GABRB2: variants seen among roughly 807,000 people sequenced by gnomAD.
The protein encoded by GABRB2 is gamma-aminobutyric acid receptor subunit beta-2.
Under a neutral mutation model 54.7 loss-of-function variants are expected in GABRB2, and 16 were observed. The observed-to-expected ratio is 0.29, with a 90% CI of 0.20 to 0.44. GABRB2 has a LOEUF of 0.44. Ranked by LOEUF, GABRB2 falls within the 20% of genes least tolerant of loss-of-function variation. The pLI is 1.00. For missense variants in GABRB2, 355 were observed against 644.0 expected, an observed-to-expected ratio of 0.55 and a Z score of 4.86; for synonymous variants, 244 against 233.8, an observed-to-expected ratio of 1.04 and a Z score of -0.40.
chr5:161,352,325 A>T (rs1329606305), intron 5 of GABRB2, among the ~76,000 whole-genome samples: 1 of 152,030 alleles, frequency 6.6e-6, no homozygotes, highest in African/African-American at 2.4e-5. Flanking sequence ...GGATAAGTGG[A>T]TAAAGAAAAT....
intron 4 of GABRB2, among the ~76,000 whole-genome samples, chr5:161,418,516 A>G (rs976030296): frequency 6.6e-6 from 1 of 152,232 alleles, no homozygotes; most frequent in Non-Finnish European, 1.5e-5. Context: ...GTAGTTAAAT[A>G]TAAGACCCAA....
At chr5:161,503,340 A>G (rs984471903) in intron 3 of GABRB2, among the ~76,000 whole-genome samples, 1 of 152,154 alleles carries the variant, frequency 6.6e-6, no homozygotes, top group Non-Finnish European at 1.5e-5. Context: ...AAGATCTTCA[A>G]TAAGCATGGC....
chr5:161,336,527 G>A lies in GABRB2; in HGVS notation c.679+105C>T. The stretch of plus-strand genomic sequence containing the variant: ...TGAGGGTTTTCAGTGGATTTGTCTT[G>A]TAAAGTCATGGTGCTTCCCTGGGAC... On this transcript the variant is annotated intron_variant, in intron 6 of 9. Transcript: ENST00000393959. The A allele has an allele frequency of 7.7e-6, 10 of 1,305,820 alleles. No individual in the cohort carries two copies. In the South Asian group the frequency reaches 1.4e-4, roughly 19 times the overall value. The allele number at this position is 1,305,820 out of a possible 1,614,324, so 80.9% of individuals were successfully genotyped here. A position where few individuals can be genotyped will look rare whatever the true frequency, so the allele number is the denominator to read the frequency against.
intron 4 of GABRB2, among the ~76,000 whole-genome samples, chr5:161,433,585 G>T (rs1235338686): frequency 6.6e-6 from 1 of 151,710 alleles, no homozygotes; most frequent in Non-Finnish European, 1.5e-5. Flanking sequence ...ACTCCAGCCT[G>T]GGCAATGGAG....
At chr5:161,498,689 G>C (rs1021595022) in intron 3 of GABRB2, among the ~76,000 whole-genome samples, 1 of 151,952 alleles carries the variant, frequency 6.6e-6, no homozygotes, top group Admixed American at 6.6e-5. Context: ...CATGGCCTTT[G>C]GAACACAAGG....
At chr5:161,437,494 G>A (rs987235305) in intron 4 of GABRB2, among the ~76,000 whole-genome samples, 1 of 152,062 alleles carries the variant, frequency 6.6e-6, no homozygotes, top group African/African-American at 2.4e-5. Context: ...AACCAGCATT[G>A]ATACCCAGGT....
intron 5 of GABRB2, among the ~76,000 whole-genome samples, chr5:161,399,062 G>A (rs1197421402): frequency 6.6e-6 from 1 of 152,142 alleles, no homozygotes; most frequent in Non-Finnish European, 1.5e-5. Flanking sequence ...GGTGGGTTCT[G>A]TCTCATAAAG....
chr5:161,306,052 A>G (rs1469373022), intron 9 of GABRB2, among the ~76,000 whole-genome samples: 2 of 152,216 alleles, frequency 1.3e-5, no homozygotes, highest in Non-Finnish European at 2.9e-5. Flanking sequence ...GACTGACTTA[A>G]AGGTTGTCAT....
chr5:161,436,969 A>G (rs553235850), intron 4 of GABRB2, among the ~76,000 whole-genome samples: 27 of 152,228 alleles, frequency 1.8e-4, no homozygotes, highest in African/African-American at 5.5e-4. Context: ...GGAATCACGG[A>G]TCCCAGCAGT....
At chr5:161,535,191 C>A (rs1760594508) in intron 3 of GABRB2, among the ~76,000 whole-genome samples, 1 of 151,994 alleles carries the variant, frequency 6.6e-6, no homozygotes, top group Admixed American at 6.6e-5. Context: ...TTATATAAAT[C>A]TTTCTTTATT....
intron 9 of GABRB2, among the ~76,000 whole-genome samples, chr5:161,316,202 C>CAGAGGT (rs1758023671): frequency 2.0e-5 from 3 of 152,150 alleles, no homozygotes; most frequent in African/African-American, 7.2e-5. Context: ...GTTGACATTT[C>CAGAGGT]TGATATCACA....
intron 4 of GABRB2, among the ~76,000 whole-genome samples, chr5:161,432,754 T>C (rs138745066): frequency 8.7e-4 from 132 of 152,224 alleles, no homozygotes; most frequent in African/African-American, 3.2e-3. Flanking sequence ...TTCCAGTACC[T>C]CAGAGTCCTC....
intron 5 of GABRB2, among the ~76,000 whole-genome samples, chr5:161,348,125 A>G (rs888326023): frequency 2.0e-5 from 3 of 152,092 alleles, no homozygotes; most frequent in African/African-American, 7.2e-5. Context: ...AGCAATTCTC[A>G]AATTTTTGGT....
intron 9 of GABRB2, among the ~76,000 whole-genome samples, chr5:161,299,545 G>T (rs1366677937): frequency 6.6e-6 from 1 of 152,118 alleles, no homozygotes; most frequent in Non-Finnish European, 1.5e-5. Context: ...GGTGCCTTGT[G>T]TCTATATCTG....
intron 4 of GABRB2, among the ~76,000 whole-genome samples, chr5:161,436,305 G>A (rs917364450): frequency 1.3e-5 from 2 of 152,132 alleles, no homozygotes; most frequent in Non-Finnish European, 2.9e-5. Flanking sequence ...GGCCAAGGTG[G>A]GTGGATTACG....
intron 3 of GABRB2, among the ~76,000 whole-genome samples, chr5:161,487,079 T>C (rs1758947900): frequency 6.6e-6 from 1 of 151,934 alleles, no homozygotes; most frequent in Non-Finnish European, 1.5e-5. Context: ...AAAGAATTGA[T>C]ATTCTTTCTA....
intron 4 of GABRB2, among the ~76,000 whole-genome samples, chr5:161,418,089 C>T (rs1472141755): frequency 6.6e-6 from 1 of 152,142 alleles, no homozygotes; most frequent in Non-Finnish European, 1.5e-5. Flanking sequence ...AAACTGTGAC[C>T]ATTAAAGGGC....
At chr5:161,334,646 A>T in intron 7 of GABRB2, 106 bp downstream of exon 7, 2 of 1,113,744 alleles carry the variant, frequency 1.8e-6, no homozygotes, top group Non-Finnish European at 2.6e-6. Flanking sequence ...TGAGAGGTTC[A>T]GTTGCGTCAT....
At chr5:161,364,850 T>C (rs1754929172) in intron 5 of GABRB2, among the ~76,000 whole-genome samples, 1 of 152,166 alleles carries the variant, frequency 6.6e-6, no homozygotes, top group Non-Finnish European at 1.5e-5. Context: ...ACTCTTCAAC[T>C]ATATAATAAA....
Sources: allele counts gnomAD v4.1 joint callset (sites outside exome capture counted in the v4.1 genomes callset), GRCh38; gene constraint gnomAD v4.1.1; transcripts MANE v1.5; gene names NCBI Gene and HGNC (gene_info 2026-07-23, HGNC 2026-07-21).